Variants in TMEM37 observed in about 807,000 individuals in gnomAD.
The protein encoded by TMEM37 is voltage-dependent calcium channel gamma-like subunit.
In TMEM37, 12 loss-of-function variants were observed where a neutral mutation model predicts 11.0. The observed-to-expected ratio is 1.09, with a 90% confidence interval of 0.70 to 1.76. The LOEUF is 1.76. Ranked by LOEUF, TMEM37 falls within the 40% of genes most tolerant of loss-of-function variation. The probability of loss-of-function intolerance (pLI) is 0.00; values close to 1 mark genes in which losing one functional copy is unlikely to be tolerated. For missense variants in TMEM37, 203 were observed against 251.2 expected, an observed-to-expected ratio of 0.81 and a Z score of 1.30; for synonymous variants, 127 against 110.5, an observed-to-expected ratio of 1.15 and a Z score of -0.94.
At chr2:119,433,621 C>G (rs781780122) in intron 1 of TMEM37, among the ~76,000 whole-genome samples, 3 of 152,088 alleles carry the variant, frequency 2.0e-5, no homozygotes, top group African/African-American at 4.8e-5. Context: ...TCAAGTGACC[C>G]TATTCTATAG....
Position 119,436,895 on chromosome 2 carries a change from A to G in TMEM37, c.28A>G (p.Arg10Gly). 1 of 1,611,998 alleles carries G rather than the reference A, an allele frequency of 6.2e-7. No homozygotes were observed. Among genetic ancestry groups the G allele is most frequent in the Non-Finnish European group, 8.5e-7 (1 of 1,178,784 alleles). The change falls in exon 2 of 2, where the codon AGG (arginine) becomes GGG (glycine). Residue 10 changes from arginine (R) to glycine (G), a missense_variant. Coordinates refer to ENST00000306406, the MANE Select transcript of TMEM37 (RefSeq NM_183240.3). The part of the protein sequence containing the change: MTAVGVQAQ[R>G]PLGQRQPRRS... ...TTCCTACGGTTTTTTCCAGGCCCAGAGGCCTTTGGGCCAAAGGCAGCCCCG... is the reference window on the plus strand; with the variant it reads ...TTCCTACGGTTTTTTCCAGGCCCAGGGGCCTTTGGGCCAAAGGCAGCCCCG...
At chr2:119,430,503 G>C, upstream of TMEM37, 1 of 464,370 alleles carries the variant, frequency 2.2e-6, no homozygotes, top group South Asian at 1.6e-5. Flanking sequence ...CTCCAGGACT[G>C]GGGTAAAGGA....
At chr2:119,431,693 G>T (rs1040507205), upstream of TMEM37, among the ~76,000 whole-genome samples, 1 of 146,934 alleles carries the variant, frequency 6.8e-6, no homozygotes, top group Non-Finnish European at 1.5e-5. Context: ...TCCTCCGGCC[G>T]CCCTCGCTGA....
At chr2:119,431,814 C>T (rs1352054379), upstream of TMEM37, 1 of 1,104,068 alleles carries the variant, frequency 9.1e-7, no homozygotes, top group Non-Finnish European at 1.1e-6. Flanking sequence ...GCAGCCGCCC[C>T]GCCCCTGCGG....
At chr2:119,431,972 G>T in intron 1 of TMEM37, 48 bp downstream of exon 1, 1 of 1,171,924 alleles carries the variant, frequency 8.5e-7, no homozygotes, top group South Asian at 4.4e-5. Flanking sequence ...GCCCCGCCGT[G>T]GGAGGTTGGG....
chr2:119,437,058 G>T lies in TMEM37; in HGVS notation c.191G>T (p.Cys64Phe). ...EDRLFGLWHF[C>F]TTTNQTICFR... ...CGCCTCTTCGGGCTCTGGCACTTCT[G>T]CACCACCACCAACCAGACGATCTGC... Residue 64 changes from cysteine (C) to phenylalanine (F), a missense_variant, in exon 2 of 2, where the codon TGC becomes TTC. Cys to Phe is a radical substitution (Grantham distance 205). Coordinates refer to ENST00000306406, the MANE Select transcript of TMEM37 (RefSeq NM_183240.3). 6.4e-7 allele frequency: 1 copy of T among 1,551,316 alleles called. No individual in the cohort carries two copies. The highest frequency in any genetic ancestry group is 8.6e-7 in the Non-Finnish European group (1 of 1,157,644).
chr2:119,430,624 A>G (rs1682375033), upstream of TMEM37, among the ~76,000 whole-genome samples: 1 of 152,248 alleles, frequency 6.6e-6, no homozygotes, highest in Non-Finnish European at 1.5e-5. Flanking sequence ...GGGAAAACAG[A>G]TGAGTGCAGT....
At chr2:119,432,085 G>T in intron 1 of TMEM37, 161 bp downstream of exon 1, 2 of 443,486 alleles carry the variant, frequency 4.5e-6, no homozygotes, top group Non-Finnish European at 7.3e-6. Context: ...CCTGGGTCCG[G>T]AGGAGGCTGG....
At position 119,437,134 on chromosome 2, in the gene TMEM37, C is replaced by A. The variant is rs939107553; in HGVS notation, c.267C>A (p.Gly89=). 6.2e-7 allele frequency: 1 copy of A among 1,614,176 alleles called. No homozygotes were observed. Among genetic ancestry groups the A allele is most frequent in the Admixed American group, 1.7e-5 (1 of 60,026 alleles). ...AHVPGLAVGM[G]LVRSVGALAV... ...TGCCCGGGCTGGCCGTGGGCATGGG[C>A]CTGGTACGCAGCGTGGGCGCCTTGG... The change falls in exon 2 of 2, where the codon GGC becomes GGA. Residue 89 remains glycine (G), a synonymous_variant. Transcript: ENST00000306406.
rs1202507713 is a variant in TMEM37 at position 119,438,490 on chromosome 2, GC to G, written c.*1051del. 1 of 152,192 alleles carries G rather than the reference GC, an allele frequency of 6.6e-6. No homozygotes were observed. The highest frequency in any genetic ancestry group is 2.4e-5 in the African/African-American group (1 of 41,432). 9.4% of individuals were successfully genotyped at this position (152,192 alleles called of 1,614,324 possible). A position where few individuals can be genotyped will look rare whatever the true frequency, so the allele number is the denominator to read the frequency against. Reference sequence around the variant, plus strand: ...CGTCTGTACTTCTGTTCATTAAAGTGCTCCCTTTCTAGTCCTTTTTCTGCCC... The same window carrying G: ...CGTCTGTACTTCTGTTCATTAAAGTGTCCCTTTCTAGTCCTTTTTCTGCCC... On this transcript the variant is annotated 3_prime_UTR_variant, in exon 2 of 2. Transcript: ENST00000306406.
rs1477450729 is a variant in TMEM37 at position 119,437,298 on chromosome 2, GT to G, written c.435del (p.Phe145LeufsTer2). 1 of 1,614,098 alleles carries G rather than the reference GT, an allele frequency of 6.2e-7. No individual in the cohort carries two copies. Among genetic ancestry groups the G allele is most frequent in the Non-Finnish European group, 8.5e-7 (1 of 1,180,054 alleles). On this transcript the variant is annotated frameshift_variant, in exon 2 of 2. Coordinates refer to ENST00000306406, the MANE Select transcript of TMEM37 (RefSeq NM_183240.3). LOFTEE classifies it high-confidence loss of function. ...GTCCTCTCCTCCGGCGGGCTCCTGG[GT>G]TTTGTGATCCTCCTCAGGAACCAAG... Reference protein sequence around the residue: ...SFVLSSGGLLGFVILLRNQVT... With the variant: ...SFVLSSGGLLXFVILLRNQVT...
chr2:119,432,456 G>A (rs1682421088), intron 1 of TMEM37, among the ~76,000 whole-genome samples: 1 of 152,060 alleles, frequency 6.6e-6, no homozygotes, highest in Non-Finnish European at 1.5e-5. Flanking sequence ...TTGCTGAGTC[G>A]CGCGGACACC....
In TMEM37 at chr2:119,437,296, G is replaced by C. The variant is rs762397209; in HGVS notation, c.429G>C (p.Leu143=). 11 of 1,614,228 alleles carry C rather than the reference G, an allele frequency of 6.8e-6. No homozygotes were observed. The highest frequency in any genetic ancestry group is 1.3e-5 in the African/African-American group (1 of 75,058). Residue 143 remains leucine, a synonymous_variant, in exon 2 of 2, where the codon CTG becomes CTC. Coordinates refer to ENST00000306406, the MANE Select transcript of TMEM37 (RefSeq NM_183240.3). ...TCGTCCTCTCCTCCGGCGGGCTCCT[G>C]GGTTTTGTGATCCTCCTCAGGAACC... ...VSFVLSSGGL[L]GFVILLRNQV... is the part of the protein sequence containing the mutation.
rs897698145 is a variant in TMEM37, at chr2:119,431,955, G to C, written c.21+31G>C. On this transcript the variant is annotated intron_variant, in intron 1 of 1. Transcript: ENST00000306406. ...CGGCGCCTGGCGGGGCGCTGACCCG[G>C]GGTGCTGCCCCGCCGTGGGAGGTTG... is the stretch of plus-strand genomic sequence containing the variant. 7.4e-6 allele frequency: 9 copies of C among 1,216,050 alleles called. No homozygotes were observed. In the Admixed American group the frequency reaches 1.3e-4, roughly 17 times the overall value. The allele number at this position is 1,216,050 out of a possible 1,614,324, so 75.3% of individuals were successfully genotyped here. A position where few individuals can be genotyped will look rare whatever the true frequency, so the allele number is the denominator to read the frequency against.
At chr2:119,436,851 G>T (rs1408302714) in intron 1 of TMEM37, 38 bp from the exon 2 acceptor site, 2 of 1,552,094 alleles carry the variant, frequency 1.3e-6, no homozygotes, top group South Asian at 1.2e-5. Flanking sequence ...GCGTGGCAGG[G>T]CTGTGGCTGA....
At chr2:119,435,184 A>G (rs926890998) in intron 1 of TMEM37, among the ~76,000 whole-genome samples, 1 of 152,264 alleles carries the variant, frequency 6.6e-6, no homozygotes, top group Admixed American at 6.5e-5. Context: ...AGCAAACTGC[A>G]TCCTTATTCC....
In TMEM37 at chr2:119,437,360, G is replaced by A. The variant is rs758525136; in HGVS notation, c.493G>A (p.Glu165Lys). Residue 165 changes from glutamate (E) to lysine (K), a missense_variant, in exon 2 of 2, where the codon GAA (glutamate) becomes AAA (lysine). Glu to Lys is a moderately conservative substitution (Grantham distance 56). Coordinates refer to ENST00000306406, the MANE Select transcript of TMEM37 (RefSeq NM_183240.3). ...LIGFTLMFWCEFTASFLLFLN... is the reference protein window; with the variant it reads ...LIGFTLMFWCKFTASFLLFLN... ...CGGCTTCACCCTAATGTTTTGGTGCGAATTCACTGCCTCCTTCCTCCTCTT... is the reference window on the plus strand; with the variant it reads ...CGGCTTCACCCTAATGTTTTGGTGCAAATTCACTGCCTCCTTCCTCCTCTT... 2.7e-5 allele frequency: 44 copies of A among 1,614,106 alleles called. No individual in the cohort carries two copies. The South Asian group carries it at 4.1e-4, about 15-fold the overall frequency.
At chr2:119,432,270 C>T (rs1423283382) in intron 1 of TMEM37, 1 of 250,636 alleles carries the variant, frequency 4.0e-6, no homozygotes, top group Non-Finnish European at 7.6e-6. Flanking sequence ...CCATAAGGGT[C>T]CCCCTTTGTG....
intron 1 of TMEM37, among the ~76,000 whole-genome samples, 159 bp from the exon 2 acceptor site, chr2:119,436,730 C>G (rs1249805840): frequency 4.6e-5 from 7 of 152,092 alleles, no homozygotes; most frequent in Admixed American, 2.0e-4. Flanking sequence ...AGGGTTCCCC[C>G]CAAACGGTGG....
Sources: gnomAD v4.1 joint callset for allele counts (sites outside exome capture counted in the v4.1 genomes callset) on GRCh38, gnomAD v4.1.1 for gene constraint, MANE v1.5 for transcripts, NCBI Gene and HGNC (gene_info 2026-07-23, HGNC 2026-07-21) for gene names.